EPHX2: variants seen among roughly 807,000 people sequenced by gnomAD.
The protein encoded by EPHX2 is bifunctional epoxide hydrolase 2.
In EPHX2, 74 loss-of-function variants were observed where a neutral mutation model predicts 78.7. That is an observed-to-expected ratio of 0.94 (90% CI 0.78 to 1.14). The LOEUF is 1.14. Ranked by LOEUF, EPHX2 falls within the 50% of genes most tolerant of loss-of-function variation. EPHX2 has a pLI of 0.00. For synonymous variants in EPHX2, 251 were observed against 255.2 expected, an observed-to-expected ratio of 0.98 and a Z score of 0.16; for missense variants, 715 against 702.5, an observed-to-expected ratio of 1.02 and a Z score of -0.20.
intron 5 of EPHX2, 25 bp from the exon 6 acceptor site, chr8:27,511,811 C>CT (rs1210354080): frequency 6.2e-7 from 1 of 1,612,822 alleles, no homozygotes; most frequent in South Asian, 1.1e-5. Context: ...TGCTGTCTCT[C>CT]TCACTATACC....
intron 5 of EPHX2, among the ~76,000 whole-genome samples, chr8:27,508,752 TTG>T (rs146131912): frequency 6.6e-6 from 1 of 151,894 alleles, no homozygotes; most frequent in Admixed American, 6.6e-5. Context: ...TTTGCCATCT[TTG>T]TGTGTGTGTG....
intron 9 of EPHX2, 146 bp downstream of exon 9, chr8:27,518,218 C>T: frequency 1.5e-6 from 1 of 654,342 alleles, no homozygotes; most frequent in Non-Finnish European, 2.6e-6. Context: ...ACAGTATTTC[C>T]AAATGATAGC....
intron 16 of EPHX2, among the ~76,000 whole-genome samples, chr8:27,542,879 C>T (rs529172043): frequency 3.3e-5 from 5 of 152,082 alleles, no homozygotes; most frequent in East Asian, 1.9e-4. Flanking sequence ...TGAGCTCAGG[C>T]GATCCACCCA....
At chr8:27,547,799 A>ATGTGG (rs1491244719), downstream of EPHX2, among the ~76,000 whole-genome samples, 1 of 152,130 alleles carries the variant, frequency 6.6e-6, no homozygotes, top group East Asian at 1.9e-4. Flanking sequence ...GAGTGAGAAC[A>ATGTGG]TGTGGTGTTT....
At chr8:27,506,849 C>G in intron 4 of EPHX2, 23 bp from the exon 5 acceptor site, 1 of 1,609,696 alleles carries the variant, frequency 6.2e-7, no homozygotes, top group South Asian at 1.1e-5. Context: ...TTCTGAGATT[C>G]TCCCATGCTG....
At position 27,540,621 on chromosome 8, in the gene EPHX2, G is replaced by T. The variant is rs780433650; in HGVS notation, c.1344G>T (p.Gln448His). ...GGATGGTCACTGAGGAGGAAATCCAGTTCTATGTGCAGCAGTTCAAGAAGT... is the reference window on the plus strand; with the variant it reads ...GGATGGTCACTGAGGAGGAAATCCATTTCTATGTGCAGCAGTTCAAGAAGT... ...LSRMVTEEEI[Q>H]FYVQQFKKSG... Residue 448 changes from glutamine (Q) to histidine (H), a missense_variant, in exon 15 of 19, where the codon CAG becomes CAT. Transcript: ENST00000521400. 6.2e-7 allele frequency: 1 copy of T among 1,614,170 alleles called. No individual in the cohort carries two copies. The highest frequency in any genetic ancestry group is 8.5e-7 in the Non-Finnish European group (1 of 1,180,026).
chr8:27,509,971 C>T (rs1040403188), intron 5 of EPHX2, among the ~76,000 whole-genome samples: 18 of 152,166 alleles, frequency 1.2e-4, no homozygotes, highest in Non-Finnish European at 2.4e-4. Flanking sequence ...TAAGGGGCAC[C>T]GGCCCTGCTC....
chr8:27,541,646 C>G, intron 16 of EPHX2, 104 bp downstream of exon 16: 2 of 1,227,056 alleles, frequency 1.6e-6, no homozygotes, highest in Non-Finnish European at 2.4e-6. Flanking sequence ...TGGTTGTGGA[C>G]AGATCTGCTG....
downstream of EPHX2, among the ~76,000 whole-genome samples, chr8:27,546,453 A>G (rs1473026515): frequency 2.6e-5 from 4 of 152,164 alleles, no homozygotes; most frequent in Non-Finnish European, 4.4e-5. Flanking sequence ...CACCATCTCA[A>G]TCTTTTGCAT....
chr8:27,521,255 A>G (rs779640741), intron 10 of EPHX2, among the ~76,000 whole-genome samples: 7 of 152,142 alleles, frequency 4.6e-5, no homozygotes, highest in Non-Finnish European at 8.8e-5. Flanking sequence ...CCCTTCTGAC[A>G]CTCCTAAAAC....
intron 2 of EPHX2, among the ~76,000 whole-genome samples, chr8:27,501,763 A>G (rs995706884): frequency 1.3e-5 from 2 of 152,150 alleles, no homozygotes; most frequent in African/African-American, 4.8e-5. Context: ...AGTAATTGCT[A>G]TGAAAATCCT....
chr8:27,495,442 C>G (rs944098584), intron 1 of EPHX2, among the ~76,000 whole-genome samples: 1 of 152,202 alleles, frequency 6.6e-6, no homozygotes, highest in African/African-American at 2.4e-5. Flanking sequence ...AAGGGGACTT[C>G]TAAGAGATCA....
downstream of EPHX2, among the ~76,000 whole-genome samples, chr8:27,546,326 A>G (rs1464502778): frequency 1.3e-5 from 2 of 152,170 alleles, no homozygotes; most frequent in African/African-American, 4.8e-5. Context: ...AATAATATGC[A>G]CAGAGTTCTA....
chr8:27,541,935 C>G (rs1815417617), intron 16 of EPHX2, among the ~76,000 whole-genome samples: 1 of 151,982 alleles, frequency 6.6e-6, no homozygotes, highest in African/African-American at 2.4e-5. Context: ...GTGACTTTAG[C>G]CTTCGGTTGT....
At chr8:27,501,202 T>C (rs1163454806) in intron 2 of EPHX2, among the ~76,000 whole-genome samples, 192 bp downstream of exon 2, 8 of 152,190 alleles carry the variant, frequency 5.3e-5, no homozygotes, top group Non-Finnish European at 8.8e-5. Context: ...TGGCAAATGG[T>C]GAACGAAAAC....
rs35169320 is a variant in EPHX2 at position 27,515,792 on chromosome 8, T to C, written c.810T>C (p.Ser270=). 7.4e-6 allele frequency: 12 copies of C among 1,613,760 alleles called. No individual in the cohort carries two copies. In the Admixed American group the frequency reaches 1.8e-4, roughly 25 times the overall value. ...GCCTCTGCCATGGATTTCCCGAGAG[T>C]TGGTATTCTTGGAGGTACCAGGTGA... ...AVCLCHGFPE[S]WYSWRYQIPA... The change falls in exon 7 of 19, where the codon AGT becomes AGC. Residue 270 remains serine, a synonymous_variant. Transcript: ENST00000521400.
intron 5 of EPHX2, among the ~76,000 whole-genome samples, chr8:27,508,306 A>G (rs1814093142): frequency 6.6e-6 from 1 of 151,840 alleles, no homozygotes; most frequent in Non-Finnish European, 1.5e-5. Flanking sequence ...TCTGTCTCCA[A>G]AAACAAACAA....
Position 27,515,797 on chromosome 8 carries a change from A to G in EPHX2, c.815A>G (p.Tyr272Cys), listed in dbSNP as rs1467545134. 1.2e-6 allele frequency: 2 copies of G among 1,613,802 alleles called. No individual in the cohort carries two copies. Among genetic ancestry groups the G allele is most frequent in the African/African-American group, 1.3e-5 (1 of 74,886 alleles). The change falls in exon 7 of 19, where the codon TAT becomes TGT. Residue 272 changes from tyrosine (Y) to cysteine (C), a missense_variant. Physicochemically the swap from Tyr to Cys is radical, Grantham distance 194 (BLOSUM62 -2). Coordinates refer to ENST00000521400, the MANE Select transcript of EPHX2 (RefSeq NM_001979.6). ...TGCCATGGATTTCCCGAGAGTTGGT[A>G]TTCTTGGAGGTACCAGGTGAGAAAG... is the stretch of plus-strand genomic sequence containing the variant. ...CLCHGFPESW[Y>C]SWRYQIPALA...
At chr8:27,544,005 T>G (rs1425263345) in intron 17 of EPHX2, among the ~76,000 whole-genome samples, 176 bp downstream of exon 17, 1 of 152,188 alleles carries the variant, frequency 6.6e-6, no homozygotes, top group Non-Finnish European at 1.5e-5. Context: ...GACTGTACCT[T>G]CCTTTCCCCT....
Sources: allele counts gnomAD v4.1 joint callset (sites outside exome capture counted in the v4.1 genomes callset), GRCh38; gene constraint gnomAD v4.1.1; transcripts MANE v1.5; gene names NCBI Gene and HGNC (gene_info 2026-07-23, HGNC 2026-07-21).